Variants in PIK3CD observed in about 807,000 individuals in gnomAD.
PIK3CD encodes the protein phosphatidylinositol 4,5-bisphosphate 3-kinase catalytic subunit delta isoform.
PIK3CD carries 20 observed loss-of-function variants against 122.9 expected under a neutral mutation model. That is an observed-to-expected ratio of 0.16 (90% CI 0.11 to 0.24). The LOEUF (loss-of-function observed/expected upper bound fraction) is 0.24, where lower values mean the gene tolerates loss of function less well. Among genes scored for constraint, PIK3CD ranks in the 10% least tolerant of loss-of-function variants. PIK3CD has a pLI of 1.00. For synonymous variants in PIK3CD, 596 were observed against 593.4 expected (o/e 1.00, Z -0.06); for missense variants, 787 against 1,406.3 (o/e 0.56, Z 7.04).
At chr1:9,630,170 A>G in the PIK3CD span, among the ~76,000 whole-genome samples, 1 of 152,358 alleles carries the variant, frequency 6.6e-6, no homozygotes, top group African/African-American at 2.4e-5. Context: ...GGACTGATCC[A>G]GGCTGGACCC....
At chr1:9,714,612 A>T (rs1266594430) in intron 3 of PIK3CD, among the ~76,000 whole-genome samples, 1 of 152,114 alleles carries the variant, frequency 6.6e-6, no homozygotes, top group Non-Finnish European at 1.5e-5. Context: ...GGCCGGGCAC[A>T]TAGAGCTGCT....
rs1453067792 is a variant in PIK3CD, at chr1:9,727,460, G to A, written c.*414G>A. ...TCCGACAGGATGCCTTGATCCTCGT[G>A]CGACCCACCCTGTGTATCCTCCCTA... On this transcript the variant is annotated 3_prime_UTR_variant, in exon 24 of 24. Transcript: ENST00000377346. 5.2e-6 allele frequency: 2 copies of A among 388,118 alleles called. No homozygotes were observed. Among genetic ancestry groups the A allele is most frequent in the African/African-American group, 4.1e-5 (2 of 48,896 alleles). 24.0% of individuals were successfully genotyped at this position (388,118 alleles called of 1,614,324 possible).
chr1:9,716,903 G>A, intron 6 of PIK3CD, 56 bp from the exon 7 acceptor site: 1 of 1,611,356 alleles, frequency 6.2e-7, no homozygotes. Context: ...GAATCCTGGT[G>A]TCCAGGGAGT....
At chr1:9,659,564 C>G (rs905736465) in intron 1 of PIK3CD, among the ~76,000 whole-genome samples, 1 of 152,160 alleles carries the variant, frequency 6.6e-6, no homozygotes, top group East Asian at 1.9e-4. Context: ...GCCCTGGCAG[C>G]CATTCTGCTG....
At chr1:9,630,249 G>A in the PIK3CD span, among the ~76,000 whole-genome samples, 15 of 152,254 alleles carry the variant, frequency 9.9e-5, no homozygotes, top group South Asian at 1.0e-3. Context: ...CCTACCCCCC[G>A]GAGGCCGTCA....
intron 3 of PIK3CD, among the ~76,000 whole-genome samples, chr1:9,712,936 C>G (rs1057491367): frequency 1.3e-5 from 2 of 152,120 alleles, no homozygotes; most frequent in Admixed American, 6.6e-5. Flanking sequence ...CTTATCAGCA[C>G]TTTGGGAGGC....
intron 1 of PIK3CD, among the ~76,000 whole-genome samples, chr1:9,676,382 T>C (rs1289465528): frequency 2.0e-5 from 3 of 152,194 alleles, no homozygotes; most frequent in African/African-American, 7.2e-5. Context: ...CTCTTGAAGG[T>C]CCTTGTGTCT....
rs1395590790 is a variant in PIK3CD at position 9,719,679 on chromosome 1, G to A, written c.1243-242G>A. Among the ~76,000 whole-genome samples the A allele has an allele frequency of 1.3e-5, 2 of 148,502 alleles. No individual in the cohort carries two copies. Among genetic ancestry groups the A allele is most frequent in the Non-Finnish European group, 1.5e-5 (1 of 66,882 alleles). ...CCGTCTCAAAAAAAAAAAAAAGCCT[G>A]AGTAGGGGTGAGGTGGGAACAGGAG... On this transcript the variant is annotated intron_variant, in intron 9 of 23. Transcript: ENST00000377346. The surrounding 1 kb of genome is among the most constrained non-coding windows in gnomAD (Gnocchi z 5.5).
intron 2 of PIK3CD, among the ~76,000 whole-genome samples, chr1:9,706,204 A>G (rs985302695): frequency 6.6e-6 from 1 of 151,866 alleles, no homozygotes; most frequent in African/African-American, 2.4e-5. Flanking sequence ...TGTTTAGAAC[A>G]AACTGGGTCT....
the PIK3CD span, among the ~76,000 whole-genome samples, chr1:9,644,720 T>G: frequency 3.3e-5 from 5 of 151,938 alleles, no homozygotes; most frequent in Admixed American, 2.6e-4. Context: ...TCAAAAAAAA[T>G]GAACTAGTTG....
intron 1 of PIK3CD, chr1:9,654,018 C>G (rs1276424004): frequency 7.7e-7 from 1 of 1,292,828 alleles, no homozygotes; most frequent in Admixed American, 2.3e-5. Context: ...TTGCAGTAAG[C>G]TATTACAGTG....
intron 2 of PIK3CD, among the ~76,000 whole-genome samples, chr1:9,701,220 C>T (rs1646614951): frequency 6.6e-6 from 1 of 152,122 alleles, no homozygotes; most frequent in African/African-American, 2.4e-5. Flanking sequence ...CCTCCGTGCC[C>T]ACCACCCCCT....
the PIK3CD span, among the ~76,000 whole-genome samples, chr1:9,642,868 A>G: frequency 6.6e-6 from 1 of 151,596 alleles, no homozygotes; most frequent in Non-Finnish European, 1.5e-5. Flanking sequence ...AGGAAGGTGG[A>G]TCACTTGAGC....
chr1:9,721,952 C>T, intron 16 of PIK3CD, 23 bp from the exon 17 acceptor site: 1 of 1,613,210 alleles, frequency 6.2e-7, no homozygotes, highest in Non-Finnish European at 8.5e-7. Context: ...CTGCCCACCG[C>T]CGCCCTCCCA....
Position 9,716,043 on chromosome 1 carries a change from G to T in PIK3CD, c.565G>T (p.Ala189Ser). Residue 189 changes from alanine (A) to serine (S), a missense_variant, in exon 5 of 24, where the codon GCC (alanine) becomes TCC (serine). This residue lies in a region of PIK3CD where 592 missense variants were observed against 920.6 expected (regional missense o/e 0.64). Coordinates refer to ENST00000377346, the MANE Select transcript of PIK3CD (RefSeq NM_005026.5). ...TGGTACCCTGCGGCTCCCGAACCGG[G>T]CCCTTCTGGTCAACGTTAAGTTTGA... ...GPGTLRLPNR[A>S]LLVNVKFEGS... 6.2e-7 allele frequency: 1 copy of T among 1,612,618 alleles called. No homozygotes were observed. Among genetic ancestry groups the T allele is most frequent in the Non-Finnish European group, 8.5e-7 (1 of 1,179,948 alleles).
At chr1:9,708,040 C>T (rs973273373) in intron 2 of PIK3CD, among the ~76,000 whole-genome samples, 17 of 151,920 alleles carry the variant, frequency 1.1e-4, no homozygotes, top group Non-Finnish European at 2.4e-4. Flanking sequence ...GTGATCCACT[C>T]GCCTCGGCCT....
chr1:9,629,640 CT>C, the PIK3CD span, among the ~76,000 whole-genome samples: 1 of 152,168 alleles, frequency 6.6e-6, no homozygotes, highest in Non-Finnish European at 1.5e-5. Context: ...GGGTCATGGT[CT>C]CAACCTTGGG....
chr1:9,722,315 G>C lies in PIK3CD; in HGVS notation c.2306G>C (p.Gly769Ala). 6.2e-7 allele frequency: 1 copy of C among 1,613,404 alleles called. No individual in the cohort carries two copies. Among genetic ancestry groups the C allele is most frequent in the Non-Finnish European group, 8.5e-7 (1 of 1,179,814 alleles). ...LWIMYSNEEA[G>A]SGGSVGIIFK... ...ATCATGTACAGCAACGAGGAGGCAG[G>C]CAGCGGCGGCAGCGTGGGCATCATC... Residue 769 changes from glycine (G) to alanine (A), a missense_variant, in exon 18 of 24, where the codon GGC (glycine) becomes GCC (alanine). By Grantham distance (60) the Gly-to-Ala change is moderately conservative (BLOSUM62 0). Coordinates refer to ENST00000377346, the MANE Select transcript of PIK3CD (RefSeq NM_005026.5). The surrounding 1 kb of genome is among the most constrained non-coding windows in gnomAD (Gnocchi z 7.6).
rs986615107 is a variant in PIK3CD at position 9,652,531 on chromosome 1, G to C, written c.-138+729G>C. 5.3e-5 allele frequency: 8 copies of C among 152,262 alleles called. No homozygotes were observed. Among genetic ancestry groups the C allele is most frequent in the African/African-American group, 1.9e-4 (8 of 41,474 alleles). 9.4% of individuals were successfully genotyped at this position (152,262 alleles called of 1,614,324 possible). Reference sequence around the variant, plus strand: ...GCTCCGGATCTGCGGCCGAGCCGGGGTTACGCCGGCAAAACCGCCCCCAGC... The same window carrying C: ...GCTCCGGATCTGCGGCCGAGCCGGGCTTACGCCGGCAAAACCGCCCCCAGC... On this transcript the variant is annotated intron_variant, in intron 1 of 23. Coordinates refer to ENST00000377346, the MANE Select transcript of PIK3CD (RefSeq NM_005026.5). This position sits in a 1 kb window ranked among gnomAD's most constrained non-coding sequence, Gnocchi z 6.2.
Sources: gnomAD v4.1 joint callset for allele counts (sites outside exome capture counted in the v4.1 genomes callset) on GRCh38, gnomAD v4.1.1 for gene constraint, gnomAD v4.1.1 regional missense constraint, Gnocchi (gnomAD v3.1) non-coding constraint, MANE v1.5 for transcripts, NCBI Gene and HGNC (gene_info 2026-07-23, HGNC 2026-07-21) for gene names.